Variants in MED13L observed in about 807,000 individuals in gnomAD.
MED13L encodes the protein mediator complex subunit 13L.
A neutral mutation model predicts 220.9 loss-of-function variants in MED13L; 7 were observed. The observed-to-expected ratio is 0.03, with a 90% CI of 0.02 to 0.06. MED13L has a LOEUF of 0.06. Ranked by LOEUF, MED13L falls within the 10% of genes least tolerant of loss-of-function variation. The probability of loss-of-function intolerance (pLI) is 1.00; values close to 1 mark genes in which losing one functional copy is unlikely to be tolerated. For synonymous variants in MED13L, 1,011 were observed against 1,015.2 expected, an observed-to-expected ratio of 1.00 and a Z score of 0.08; for missense variants, 1,965 against 2,760.5, an observed-to-expected ratio of 0.71 and a Z score of 6.46.
chr12:116,194,918 A>C (rs1357919250), intron 2 of MED13L, among the ~76,000 whole-genome samples: 2 of 152,204 alleles, frequency 1.3e-5, no homozygotes, highest in African/African-American at 4.8e-5. Flanking sequence ...TATGTAACAG[A>C]GAGTGGGCAG....
chr12:116,248,227 A>C (rs1035179753), intron 1 of MED13L, among the ~76,000 whole-genome samples: 3 of 152,242 alleles, frequency 2.0e-5, no homozygotes, highest in African/African-American at 7.2e-5. Flanking sequence ...TTCTGAAGTT[A>C]TTTAGTCTTC....
intron 2 of MED13L, among the ~76,000 whole-genome samples, chr12:116,182,930 A>G (rs1880626056): frequency 6.6e-6 from 1 of 152,188 alleles, no homozygotes. Context: ...TCCCCTCTTG[A>G]GATTTTAAGC....
In MED13L at chr12:115,975,619, C is replaced by T. The variant is rs1364676225; in HGVS notation, c.5484G>A (p.Val1828=). 1 of 1,614,080 alleles carries T rather than the reference C, an allele frequency of 6.2e-7. No individual in the cohort carries two copies. Among genetic ancestry groups the T allele is most frequent in the Non-Finnish European group, 8.5e-7 (1 of 1,180,010 alleles). The stretch of plus-strand genomic sequence containing the variant: ...GCTGGTCGTGAGACAGACAATAGCC[C>T]ACGAAGAGCACATTGTATTTCTGGC... The part of the protein sequence containing the change: ...EASQKYNVLF[V]GYCLSHDQRW... The change falls in exon 24 of 31, where the codon GTG becomes GTA. Residue 1828 remains valine (V), a synonymous_variant. Coordinates refer to ENST00000281928, the MANE Select transcript of MED13L (RefSeq NM_015335.5).
At chr12:116,273,473 C>G (rs1873558235) in intron 1 of MED13L, among the ~76,000 whole-genome samples, 1 of 151,790 alleles carries the variant, frequency 6.6e-6, no homozygotes, top group Non-Finnish European at 1.5e-5. Flanking sequence ...TATAGTCCAC[C>G]CTATTTTGTT....
chr12:116,192,852 G>C (rs1881367697), intron 2 of MED13L, among the ~76,000 whole-genome samples: 1 of 151,864 alleles, frequency 6.6e-6, no homozygotes, highest in South Asian at 2.1e-4. Context: ...GCAGGCATGG[G>C]CCGGGCGCCA....
At chr12:116,034,634 T>C (rs1003620682) in intron 4 of MED13L, among the ~76,000 whole-genome samples, 2 of 152,210 alleles carry the variant, frequency 1.3e-5, no homozygotes, top group Admixed American at 6.5e-5. Flanking sequence ...ACTTTCTCCA[T>C]AGTCTTCTCA....
At position 116,193,262 on chromosome 12, in the gene MED13L, G is replaced by A. The variant is rs564528717; in HGVS notation, c.310+44206C>T. On this transcript the variant is annotated intron_variant, in intron 2 of 30. Coordinates refer to ENST00000281928, the MANE Select transcript of MED13L (RefSeq NM_015335.5). Reference sequence around the variant, plus strand: ...GGAGTTTGCAACTGCAGTGAGCTACGATCATGCCACTGCACTACAGCTTGG... The same window carrying A: ...GGAGTTTGCAACTGCAGTGAGCTACAATCATGCCACTGCACTACAGCTTGG... Among the ~76,000 whole-genome samples, 22 of 152,296 alleles carry A rather than the reference G, an allele frequency of 1.4e-4. 1 individual carries two copies. In the South Asian group the frequency reaches 3.9e-3, roughly 27 times the overall value.
chr12:116,155,808 AAC>A (rs1241444529), intron 2 of MED13L, among the ~76,000 whole-genome samples: 2 of 152,214 alleles, frequency 1.3e-5, no homozygotes, highest in African/African-American at 4.8e-5. Flanking sequence ...TGTTCTTCAA[AAC>A]ACAAAAAACT....
intron 4 of MED13L, among the ~76,000 whole-genome samples, chr12:116,055,404 C>T (rs1592992799): frequency 6.6e-6 from 1 of 152,134 alleles, no homozygotes; most frequent in Admixed American, 6.6e-5. Context: ...GAAGAAAAAG[C>T]ATATTAACAT....
chr12:116,182,954 A>G (rs1880628103), intron 2 of MED13L, among the ~76,000 whole-genome samples: 1 of 152,224 alleles, frequency 6.6e-6, no homozygotes, highest in African/African-American at 2.4e-5. Context: ...TTGAGGTGAA[A>G]GACTGTTTTA....
chr12:116,183,810 G>GTGTGTA (rs1880694860), intron 2 of MED13L, among the ~76,000 whole-genome samples: 1 of 101,752 alleles, frequency 9.8e-6, no homozygotes, highest in Non-Finnish European at 2.0e-5. Context: ...AATGGTGTGT[G>GTGTGTA]TGTGTGTGTA....
intron 4 of MED13L, among the ~76,000 whole-genome samples, chr12:116,056,285 G>GA (rs1868966455): frequency 6.7e-6 from 1 of 149,136 alleles, no homozygotes. Context: ...TTTTTTGTTT[G>GA]TTTTTTTTTT....
At chr12:116,205,808 G>A (rs1882278297) in intron 2 of MED13L, among the ~76,000 whole-genome samples, 1 of 151,920 alleles carries the variant, frequency 6.6e-6, no homozygotes, top group Non-Finnish European at 1.5e-5. Context: ...TTCCCGCTCT[G>A]AGGAAATGAA....
At chr12:116,000,654 T>C (rs1253882103) in intron 14 of MED13L, among the ~76,000 whole-genome samples, 1 of 152,236 alleles carries the variant, frequency 6.6e-6, no homozygotes, top group Non-Finnish European at 1.5e-5. Context: ...TAAACTGATG[T>C]GCTTTCAAAT....
chr12:115,990,747 C>T (rs916833198), intron 17 of MED13L, among the ~76,000 whole-genome samples: 2 of 152,126 alleles, frequency 1.3e-5, no homozygotes, highest in African/African-American at 2.4e-5. Context: ...TGATACTCAG[C>T]GGTCACAGGT....
chr12:116,134,909 C>T (rs185344122), intron 2 of MED13L, among the ~76,000 whole-genome samples: 1 of 152,138 alleles, frequency 6.6e-6, no homozygotes, highest in African/African-American at 2.4e-5. Context: ...GTGGCTCACA[C>T]CTGTAACCCC....
intron 2 of MED13L, among the ~76,000 whole-genome samples, chr12:116,169,724 T>C (rs1879537233): frequency 6.6e-6 from 1 of 152,162 alleles, no homozygotes; most frequent in Non-Finnish European, 1.5e-5. Flanking sequence ...CCTAAAACTA[T>C]CAAGCCAGGT....
intron 4 of MED13L, among the ~76,000 whole-genome samples, chr12:116,081,794 A>G (rs1233818328): frequency 6.6e-6 from 1 of 152,210 alleles, no homozygotes; most frequent in African/African-American, 2.4e-5. Flanking sequence ...CTGAGCCCAG[A>G]AAGTTGCGGC....
At chr12:116,242,012 T>C (rs374458491) in intron 1 of MED13L, among the ~76,000 whole-genome samples, 11 of 151,614 alleles carry the variant, frequency 7.3e-5, no homozygotes, top group African/African-American at 1.9e-4. Context: ...ATCATATTTA[T>C]AGTTTAAAAA....
Sources: gnomAD v4.1 joint callset for allele counts (sites outside exome capture counted in the v4.1 genomes callset) on GRCh38, gnomAD v4.1.1 for gene constraint, MANE v1.5 for transcripts, NCBI Gene and HGNC (gene_info 2026-07-23, HGNC 2026-07-21) for gene names.